Variants in RALGPS2 observed in about 807,000 individuals in gnomAD.
RALGPS2 encodes Ral GEF with PH domain and SH3 binding motif 2, also known as ras-specific guanine nucleotide-releasing factor RalGPS2.
RALGPS2 carries 43 observed loss-of-function variants against 86.8 expected under a neutral mutation model. The ratio of observed to expected loss-of-function variants is 0.50; its 90% CI spans 0.39 to 0.64. RALGPS2 has a LOEUF of 0.64. RALGPS2 is among the 30% of genes least tolerant of loss of function. The pLI is 0.00. For synonymous variants in RALGPS2, 243 were observed against 231.3 expected, an observed-to-expected ratio of 1.05 and a Z score of -0.46; for missense variants, 536 against 694.6, an observed-to-expected ratio of 0.77 and a Z score of 2.57.
intron 4 of RALGPS2, among the ~76,000 whole-genome samples, chr1:178,790,245 C>T (rs1653888080): frequency 6.6e-6 from 1 of 152,096 alleles, no homozygotes; most frequent in Non-Finnish European, 1.5e-5. Flanking sequence ...GCCACTGCGC[C>T]CAGCCAATAT....
chr1:178,840,282 A>G (rs1306475414), intron 8 of RALGPS2, among the ~76,000 whole-genome samples: 4 of 152,222 alleles, frequency 2.6e-5, no homozygotes, highest in Non-Finnish European at 1.5e-5. Flanking sequence ...GTAAAAGAAC[A>G]TAAATTACAA....
intron 1 of RALGPS2, among the ~76,000 whole-genome samples, chr1:178,759,680 T>C (rs1422858884): frequency 6.6e-6 from 1 of 152,076 alleles, no homozygotes; most frequent in Non-Finnish European, 1.5e-5. Flanking sequence ...GATTAGTTAG[T>C]GCAGACAAGT....
chr1:178,743,742 A>G (rs1025348140), intron 1 of RALGPS2, among the ~76,000 whole-genome samples: 1 of 152,222 alleles, frequency 6.6e-6, no homozygotes, highest in African/African-American at 2.4e-5. Context: ...ATTTTAAAAC[A>G]GAGATGAATT....
intron 1 of RALGPS2, among the ~76,000 whole-genome samples, chr1:178,745,070 T>G (rs1028703907): frequency 1.3e-5 from 2 of 152,164 alleles, no homozygotes; most frequent in Middle Eastern, 3.2e-3. Context: ...GTATCAGATA[T>G]GAAATACTGT....
chr1:178,805,088 G>C (rs1229049718), intron 4 of RALGPS2, among the ~76,000 whole-genome samples: 3 of 149,100 alleles, frequency 2.0e-5, no homozygotes, highest in Non-Finnish European at 4.5e-5. Context: ...TTTGAGAAGT[G>C]TCTGTTCATG....
intron 15 of RALGPS2, among the ~76,000 whole-genome samples, chr1:178,892,992 C>G (rs1447478520): frequency 6.6e-6 from 1 of 152,058 alleles, no homozygotes; most frequent in Non-Finnish European, 1.5e-5. Flanking sequence ...ATAAATAGCT[C>G]TAGCATGAAA....
intron 1 of RALGPS2, among the ~76,000 whole-genome samples, chr1:178,759,430 GTCTATT>G (rs1652119300): frequency 6.6e-6 from 1 of 151,568 alleles, no homozygotes; most frequent in Non-Finnish European, 1.5e-5. Flanking sequence ...TGTTCAATTG[GTCTATT>G]TCTATGTTTT....
intron 4 of RALGPS2, among the ~76,000 whole-genome samples, chr1:178,788,829 T>TTTTC (rs200410341): frequency 0.13 from 18,954 of 141,154 alleles, 1,424 homozygotes; most frequent in East Asian, 0.27. Flanking sequence ...TTTTCTTTTG[T>TTTTC]TTTCTTTCTT....
rs1050064136 is a variant in RALGPS2 at position 178,921,566 on chromosome 1, G to A, written c.*5207G>A. 6.6e-6 allele frequency: 1 copy of A among 152,004 alleles called. No individual in the cohort carries two copies. Among genetic ancestry groups the A allele is most frequent in the African/African-American group, 2.4e-5 (1 of 41,448 alleles). The allele number at this position is 152,004 out of a possible 1,614,324, so 9.4% of individuals were successfully genotyped here. A position where few individuals can be genotyped will look rare whatever the true frequency, so the allele number is the denominator to read the frequency against. ...ATAATCTGAAGGAGATCAAACATCTGTAAGGACAGGTACCCAGTGATGATA... is the reference window on the plus strand; with the variant it reads ...ATAATCTGAAGGAGATCAAACATCTATAAGGACAGGTACCCAGTGATGATA... On this transcript the variant is annotated 3_prime_UTR_variant, in exon 20 of 20. Coordinates refer to ENST00000367635, the MANE Select transcript of RALGPS2 (RefSeq NM_152663.5).
chr1:178,731,271 GGTTTTTTTTTTTT>G (rs1650333071), intron 1 of RALGPS2, among the ~76,000 whole-genome samples: 1 of 69,380 alleles, frequency 1.4e-5, no homozygotes, highest in African/African-American at 5.2e-5. Flanking sequence ...TAGTTGTTTT[GGTTTTTTTTTTTT>G]TTTTTTTTTT....
intron 1 of RALGPS2, among the ~76,000 whole-genome samples, chr1:178,748,717 G>C (rs188808227): frequency 6.6e-6 from 1 of 152,170 alleles, no homozygotes; most frequent in Admixed American, 6.5e-5. Context: ...GCTGGCTGTG[G>C]TGGCGGGCAC....
In RALGPS2 at chr1:178,916,561, A is replaced by C. The variant is rs1007714560; in HGVS notation, c.*202A>C. On this transcript the variant is annotated 3_prime_UTR_variant, in exon 20 of 20. Transcript: ENST00000367635. The stretch of plus-strand genomic sequence containing the variant: ...GAGAACAAATTGGAGTTGCAAAACA[A>C]ACTGCCATGAACCATGCTTCTTATC... The C allele has an allele frequency of 1.6e-5, 9 of 548,622 alleles. No individual in the cohort carries two copies. In the African/African-American group the frequency reaches 1.7e-4, roughly 10 times the overall value. The allele number at this position is 548,622 out of a possible 1,614,324, so 34.0% of individuals were successfully genotyped here. A position where few individuals can be genotyped will look rare whatever the true frequency, so the allele number is the denominator to read the frequency against.
intron 6 of RALGPS2, among the ~76,000 whole-genome samples, chr1:178,814,966 T>C (rs1655158129): frequency 6.6e-6 from 1 of 152,250 alleles, no homozygotes; most frequent in South Asian, 2.1e-4. Context: ...ACATCTTTTC[T>C]ATGTTGGCCA....
At position 178,783,777 on chromosome 1, in the gene RALGPS2, C is replaced by A. The variant is rs114453070; in HGVS notation, c.58-641C>A. On this transcript the variant is annotated intron_variant, in intron 2 of 19. Coordinates refer to ENST00000367635, the MANE Select transcript of RALGPS2 (RefSeq NM_152663.5). ...ATATATTATTATGTCATGGCACAGA[C>A]GAAGTGGAAAATTTTTAACAGTAAT... is the stretch of plus-strand genomic sequence containing the variant. Among the ~76,000 whole-genome samples the A allele has an allele frequency of 4.6e-3, 697 of 152,090 alleles. 6 individuals are homozygous for A. Among genetic ancestry groups the A allele is most frequent in the Non-Finnish European group, 7.1e-3 (483 of 67,986 alleles).
chr1:178,906,731 G>T (rs372659612), intron 18 of RALGPS2, 45 bp from the exon 19 acceptor site: 2 of 1,477,914 alleles, frequency 1.4e-6, no homozygotes, highest in Non-Finnish European at 1.9e-6. Flanking sequence ...ATTATGTGTC[G>T]TCCTTACATT....
chr1:178,816,553 G>A (rs1249391687), intron 6 of RALGPS2, among the ~76,000 whole-genome samples: 1 of 152,038 alleles, frequency 6.6e-6, no homozygotes, highest in African/African-American at 2.4e-5. Context: ...CTTTTGGTTA[G>A]TGAGCAGAAC....
intron 1 of RALGPS2, among the ~76,000 whole-genome samples, chr1:178,754,382 A>T (rs181242853): frequency 6.6e-6 from 1 of 152,262 alleles, no homozygotes; most frequent in African/African-American, 2.4e-5. Flanking sequence ...TTAATATGTA[A>T]TTCCTGACTG....
At chr1:178,767,876 C>T (rs1652592416) in intron 1 of RALGPS2, among the ~76,000 whole-genome samples, 1 of 152,162 alleles carries the variant, frequency 6.6e-6, no homozygotes, top group Admixed American at 6.5e-5. Context: ...GCCCGCCCTG[C>T]CATCTAGGTG....
At chr1:178,889,980 C>T (rs1659653246) in intron 14 of RALGPS2, among the ~76,000 whole-genome samples, 1 of 151,890 alleles carries the variant, frequency 6.6e-6, no homozygotes, top group Admixed American at 6.6e-5. Context: ...GACAAGTAAC[C>T]TACTTACATA....
Sources: gnomAD v4.1 joint callset for allele counts (sites outside exome capture counted in the v4.1 genomes callset) on GRCh38, gnomAD v4.1.1 for gene constraint, MANE v1.5 for transcripts, NCBI Gene and HGNC (gene_info 2026-07-23, HGNC 2026-07-21) for gene names.